RERE: variants seen among roughly 807,000 people sequenced by gnomAD.
RERE encodes the protein arginine-glutamic acid dipeptide repeats protein.
In RERE, 40 loss-of-function variants were observed where a neutral mutation model predicts 146.1. That is an observed-to-expected ratio of 0.27 (90% confidence interval 0.21 to 0.36). RERE has a LOEUF of 0.36. RERE is among the 10% of genes least tolerant of loss of function. The pLI is 1.00. For synonymous variants in RERE, 1,003 were observed against 866.0 expected, an observed-to-expected ratio of 1.16 and a Z score of -2.78; for missense variants, 1,933 against 2,138.7, an observed-to-expected ratio of 0.90 and a Z score of 1.90.
Position 8,365,917 on chromosome 1 carries a change from G to C in RERE, c.1342C>G (p.Arg448Gly). 6.2e-7 allele frequency: 1 copy of C among 1,614,096 alleles called. No individual in the cohort carries two copies. The highest frequency in any genetic ancestry group is 8.5e-7 in the Non-Finnish European group (1 of 1,180,030). ...TGCCTGCGGTGCCTACGATGGGCTC[G>C]GGAGCTGGCTGCTTCGGGGGTCTTC... ...WKKTPEAASS[R>G]AHRRHRRQAV... The change falls in exon 13 of 23, where the codon CGA becomes GGA. Residue 448 changes from arginine to glycine, a missense_variant. By Grantham distance (125) the Arg-to-Gly change is moderately radical (BLOSUM62 -2). This residue lies in a region of RERE where 260 missense variants were observed against 378.4 expected (regional missense o/e 0.69). Coordinates refer to ENST00000400908, the MANE Select transcript of RERE (RefSeq NM_001042681.2).
In RERE at chr1:8,354,925, A is replaced by G; in HGVS notation, c.*162T>C. 1 of 631,456 alleles carries G rather than the reference A, an allele frequency of 1.6e-6. No individual in the cohort carries two copies. Among genetic ancestry groups the G allele is most frequent in the Non-Finnish European group, 2.7e-6 (1 of 366,764 alleles). 39.1% of individuals were successfully genotyped at this position (631,456 alleles called of 1,614,324 possible). Reference sequence around the variant, plus strand: ...CTCAGGAAATCCTCTCGACAAACGAACACTACTATGTGGATACATTTTTAG... The same window carrying G: ...CTCAGGAAATCCTCTCGACAAACGAGCACTACTATGTGGATACATTTTTAG... On this transcript the variant is annotated 3_prime_UTR_variant, in exon 23 of 23. Coordinates refer to ENST00000400908, the MANE Select transcript of RERE (RefSeq NM_001042681.2).
intron 1 of RERE, among the ~76,000 whole-genome samples, chr1:8,738,615 G>C (rs1640246260): frequency 6.6e-6 from 1 of 152,090 alleles, no homozygotes; most frequent in South Asian, 2.1e-4. Context: ...ACATTGCCCA[G>C]CAGACAACAG....
chr1:8,357,531 C>T (rs1641344222), intron 20 of RERE, among the ~76,000 whole-genome samples: 1 of 152,206 alleles, frequency 6.6e-6, no homozygotes, highest in African/African-American at 2.4e-5. Context: ...CTCCAAGTCC[C>T]ATGGAGCAGG....
chr1:8,402,154 G>A (rs1353864787), intron 12 of RERE, among the ~76,000 whole-genome samples: 4 of 152,146 alleles, frequency 2.6e-5, no homozygotes, highest in South Asian at 2.1e-4. Context: ...GGAGTGAGCC[G>A]CTGCGCCCGG....
intron 12 of RERE, among the ~76,000 whole-genome samples, chr1:8,378,287 C>G (rs533812100): frequency 2.0e-5 from 3 of 152,356 alleles, no homozygotes; most frequent in African/African-American, 7.2e-5. Flanking sequence ...AGCCTGCAAA[C>G]CAGGCCCTGG....
chr1:8,809,901 G>GA, intron 1 of RERE, among the ~76,000 whole-genome samples: 1 of 152,214 alleles, frequency 6.6e-6, no homozygotes, highest in East Asian at 1.9e-4. Context: ...AACAAGAACT[G>GA]AAGAAAAGGT....
At chr1:8,584,639 A>G (rs150617841) in intron 4 of RERE, among the ~76,000 whole-genome samples, 2,130 of 152,350 alleles carry the variant, frequency 0.014, 13 homozygotes, top group Middle Eastern at 0.085. Context: ...GATGAAGTAT[A>G]TAGTGACTTG....
intron 10 of RERE, among the ~76,000 whole-genome samples, chr1:8,494,188 C>A (rs6701803): frequency 6.6e-6 from 1 of 152,032 alleles, no homozygotes; most frequent in African/African-American, 2.4e-5. Context: ...AGAAATTATT[C>A]GTGTAAAACT....
chr1:8,498,873 G>T (rs1645088495), intron 8 of RERE, among the ~76,000 whole-genome samples: 1 of 151,898 alleles, frequency 6.6e-6, no homozygotes, highest in Admixed American at 6.6e-5. Flanking sequence ...TGGGATGACA[G>T]AAATGTTCTG....
intron 7 of RERE, among the ~76,000 whole-genome samples, chr1:8,540,884 A>G (rs1463839264): frequency 6.6e-6 from 1 of 152,222 alleles, no homozygotes; most frequent in Non-Finnish European, 1.5e-5. Flanking sequence ...AATGTGAATC[A>G]GGGAAATAAT....
At chr1:8,678,369 G>A (rs1025326588) in intron 1 of RERE, among the ~76,000 whole-genome samples, 1 of 151,966 alleles carries the variant, frequency 6.6e-6, no homozygotes, top group Non-Finnish European at 1.5e-5. Context: ...TATGGGGCCA[G>A]ACACAGTAGC....
intron 12 of RERE, among the ~76,000 whole-genome samples, chr1:8,413,876 T>C (rs1353732775): frequency 2.6e-5 from 4 of 151,334 alleles, no homozygotes; most frequent in Admixed American, 6.6e-5. Context: ...GCCAACACAG[T>C]GAAACCTCAT....
intron 1 of RERE, among the ~76,000 whole-genome samples, chr1:8,759,722 A>G (rs908445265): frequency 6.6e-5 from 10 of 152,274 alleles, no homozygotes; most frequent in African/African-American, 1.4e-4. Flanking sequence ...ACAGCCATAA[A>G]GAACTTAGAA....
intron 1 of RERE, among the ~76,000 whole-genome samples, chr1:8,660,991 A>T (rs1334311702): frequency 6.6e-6 from 1 of 152,208 alleles, no homozygotes; most frequent in Admixed American, 6.5e-5. Context: ...CCCTGCCCTT[A>T]TCTTGAGCTT....
chr1:8,429,712 T>A (rs1644067753), intron 11 of RERE: 1 of 152,680 alleles, frequency 6.5e-6, no homozygotes. Context: ...TCCTCTTACA[T>A]AACTGTTTGG....
intron 10 of RERE, among the ~76,000 whole-genome samples, chr1:8,475,330 C>T (rs563599342): frequency 4.0e-5 from 6 of 150,642 alleles, no homozygotes; most frequent in East Asian, 1.9e-4. Flanking sequence ...GCCGAGACCG[C>T]GCCACTGCAC....
chr1:8,359,695 G>A (rs1641472678), intron 19 of RERE, 69 bp downstream of exon 19: 2 of 1,525,260 alleles, frequency 1.3e-6, no homozygotes, highest in Non-Finnish European at 1.8e-6. Context: ...GAGCTCGGTG[G>A]CCCAGCGTGG....
chr1:8,516,232 A>G (rs1292051962), intron 7 of RERE, among the ~76,000 whole-genome samples: 2 of 147,512 alleles, frequency 1.4e-5, no homozygotes, highest in African/African-American at 5.1e-5. Context: ...CAGAGGAAAA[A>G]AAAAAAAAAA....
chr1:8,467,093 C>T (rs368306044), intron 10 of RERE, among the ~76,000 whole-genome samples: 10 of 152,328 alleles, frequency 6.6e-5, no homozygotes, highest in Admixed American at 6.5e-4. Flanking sequence ...TCCAGAAAAA[C>T]TTGCTAACTT....
Sources: gnomAD v4.1 joint callset for allele counts (sites outside exome capture counted in the v4.1 genomes callset) on GRCh38, gnomAD v4.1.1 for gene constraint, gnomAD v4.1.1 regional missense constraint, MANE v1.5 for transcripts, NCBI Gene and HGNC (gene_info 2026-07-23, HGNC 2026-07-21) for gene names.